Variants in POTEC observed in about 807,000 individuals in gnomAD.
POTEC encodes the protein ANKRD26-like family B member 2.
A neutral mutation model predicts 62.0 loss-of-function variants in POTEC; 35 were observed. The ratio of observed to expected loss-of-function variants is 0.56; its 90% CI spans 0.43 to 0.75. POTEC has a LOEUF of 0.75. POTEC is among the 30% of genes least tolerant of loss of function. The probability of loss-of-function intolerance (pLI) is 0.00; values close to 1 mark genes in which losing one functional copy is unlikely to be tolerated. For synonymous variants in POTEC, 156 were observed against 221.5 expected, an observed-to-expected ratio of 0.70 and a Z score of 2.62; for missense variants, 472 against 655.9, an observed-to-expected ratio of 0.72 and a Z score of 3.06.
intron 8 of POTEC, among the ~76,000 whole-genome samples, chr18:14,522,657 T>C (rs1224434788): frequency 6.6e-6 from 1 of 152,152 alleles, no homozygotes; most frequent in Non-Finnish European, 1.5e-5. Context: ...TTTGACTGAA[T>C]AAAACAGAAT....
At chr18:14,517,657 T>A (rs1312721654) in intron 9 of POTEC, among the ~76,000 whole-genome samples, 6 of 152,012 alleles carry the variant, frequency 3.9e-5, no homozygotes, top group Non-Finnish European at 8.8e-5. Flanking sequence ...AGGTACAGAG[T>A]TCGAGACCAG....
intron 1 of POTEC, among the ~76,000 whole-genome samples, chr18:14,541,849 T>C (rs1388684919): frequency 1.3e-5 from 2 of 152,084 alleles, no homozygotes; most frequent in Non-Finnish European, 2.9e-5. Context: ...CATTATCAAG[T>C]GCTAAATTCT....
At chr18:14,530,696 A>C in intron 5 of POTEC, 143 bp from the exon 6 acceptor site, 2 of 938,404 alleles carry the variant, frequency 2.1e-6, no homozygotes, top group Non-Finnish European at 3.0e-6. Context: ...TTATGAGTAC[A>C]TTCTACAAAC....
rs1244513851 is a variant in POTEC, at chr18:14,507,420, A to G, written c.*4478T>C. 6.7e-6 allele frequency: 1 copy of G among 149,076 alleles called. No individual in the cohort carries two copies. Among genetic ancestry groups the G allele is most frequent in the African/African-American group, 2.5e-5 (1 of 40,318 alleles). The allele number at this position is 149,076 out of a possible 1,614,324, so 9.2% of individuals were successfully genotyped here. A position where few individuals can be genotyped will look rare whatever the true frequency, so the allele number is the denominator to read the frequency against. ...CAACACCTGCTTTTTTCTGTTTTCC[A>G]TTTCCTTGAAATATTTTTCTCCATT... On this transcript the variant is annotated 3_prime_UTR_variant, in exon 11 of 11. Coordinates refer to ENST00000358970, the MANE Select transcript of POTEC (RefSeq NM_001137671.2).
At chr18:14,513,530 C>CATATATATAT (rs373094454) in intron 10 of POTEC, 132 bp downstream of exon 10, 2 of 1,149,372 alleles carry the variant, frequency 1.7e-6, no homozygotes, top group African/African-American at 3.9e-5. Flanking sequence ...TGTGTGTTTA[C>CATATATATAT]ATATATACAC....
chr18:14,543,478 G>A lies in POTEC; in HGVS notation c.-332C>T, dbSNP rs372286696. Reference sequence around the variant, plus strand: ...AGCCCAGCAAAGGAATGCGAGGGAGGAAACGCCAATCCAAGCAAGAAACAC... The same window carrying A: ...AGCCCAGCAAAGGAATGCGAGGGAGAAAACGCCAATCCAAGCAAGAAACAC... On this transcript the variant is annotated 5_prime_UTR_variant, in exon 1 of 11. Transcript: ENST00000358970. 2 of 490,850 alleles carry A rather than the reference G, an allele frequency of 4.1e-6. No homozygotes were observed. Among genetic ancestry groups the A allele is most frequent in the South Asian group, 4.8e-5 (2 of 41,324 alleles). 30.4% of individuals were successfully genotyped at this position (490,850 alleles called of 1,614,324 possible).
intron 6 of POTEC, among the ~76,000 whole-genome samples, chr18:14,528,551 T>C (rs111480205): frequency 1.1e-4 from 16 of 151,990 alleles, no homozygotes; most frequent in African/African-American, 3.9e-4. Context: ...CCTTGAAATG[T>C]TGTGTTGTGA....
In POTEC at chr18:14,543,099, C is replaced by T. The variant is rs11873462; in HGVS notation, c.48G>A (p.Lys16=). ...CSMPAASAVK[K]PFDLRSKMGK... ...CCATCTTGCTCCTGAGATCGAATGG[C>T]TTCTTCACAGCAGAGGCAGCGGGCA... Residue 16 remains lysine (K), a synonymous_variant, in exon 1 of 11, where the codon AAG becomes AAA. Transcript: ENST00000358970. The T allele has an allele frequency of 0.18, 287,836 of 1,613,700 alleles. 29,894 individuals carry two copies. The highest frequency in any genetic ancestry group is 0.48 in the East Asian group (21,388 of 44,816).
At chr18:14,537,126 A>C (rs908366210) in intron 3 of POTEC, among the ~76,000 whole-genome samples, 1 of 146,010 alleles carries the variant, frequency 6.8e-6, no homozygotes, top group Non-Finnish European at 1.5e-5. Context: ...AAAATGGAAA[A>C]GAACCCTGTC....
chr18:14,518,885 T>C lies in POTEC; in HGVS notation c.1409+3369A>G, dbSNP rs557441005. On this transcript the variant is annotated intron_variant, in intron 9 of 10. Coordinates refer to ENST00000358970, the MANE Select transcript of POTEC (RefSeq NM_001137671.2). ...GAGATAATTAGGAGGAACTTTGACATGTACTCCGAGTGAAATGGGAGATAA... is the reference window on the plus strand; with the variant it reads ...GAGATAATTAGGAGGAACTTTGACACGTACTCCGAGTGAAATGGGAGATAA... 5.8e-3 allele frequency among the ~76,000 whole-genome samples: 880 copies of C among 151,634 alleles called. 16 individuals are homozygous for C. Among genetic ancestry groups the C allele is most frequent in the South Asian group, 0.056 (266 of 4,762 alleles).
rs368466426 is a variant in POTEC at position 14,521,384 on chromosome 18, C to G, written c.1409+870G>C. 3.0e-4 allele frequency among the ~76,000 whole-genome samples: 46 copies of G among 152,256 alleles called. No homozygotes were observed. The East Asian group carries it at 8.7e-3, about 29-fold the overall frequency. On this transcript the variant is annotated intron_variant, in intron 9 of 10. Coordinates refer to ENST00000358970, the MANE Select transcript of POTEC (RefSeq NM_001137671.2). The stretch of plus-strand genomic sequence containing the variant: ...AATAATCAGTATACTCTAGATCTAA[C>G]CTCATTTGTAAAAAATGGTTGCATA...
chr18:14,542,851 C>T lies in POTEC; in HGVS notation c.296G>A (p.Gly99Asp). The change falls in exon 1 of 11, where the codon GGC becomes GAC. Residue 99 changes from glycine to aspartate, a missense_variant. By Grantham distance (94) the Gly-to-Asp change is moderately conservative (BLOSUM62 -1). This residue lies in a region of POTEC where 257 missense variants were observed against 250.7 expected (regional missense o/e 1.03). Coordinates refer to ENST00000358970, the MANE Select transcript of POTEC (RefSeq NM_001137671.2). The part of the protein sequence containing the change: ...SFMKTLRSKM[G>D]KWCCHCFPCC... Reference sequence around the variant, plus strand: ...GGGGAAGCAGTGACAGCACCACTTGCCCATCTTGCTCCTGAGCGTCTTCAT... The same window carrying T: ...GGGGAAGCAGTGACAGCACCACTTGTCCATCTTGCTCCTGAGCGTCTTCAT... 6.2e-7 allele frequency: 1 copy of T among 1,609,864 alleles called. No homozygotes were observed. Among genetic ancestry groups the T allele is most frequent in the South Asian group, 1.1e-5 (1 of 90,778 alleles).
rs923617024 is a variant in POTEC, at chr18:14,511,239, G to A, written c.*659C>T. On this transcript the variant is annotated 3_prime_UTR_variant, in exon 11 of 11. Coordinates refer to ENST00000358970, the MANE Select transcript of POTEC (RefSeq NM_001137671.2). ...GTGGGTGTAGCTGGAGGCCTCAGGT[G>A]GGAGATCCTGTCCAGTGACGAGGAA... 1 of 158,156 alleles carries A rather than the reference G, an allele frequency of 6.3e-6. No individual in the cohort carries two copies. Among genetic ancestry groups the A allele is most frequent in the African/African-American group, 2.4e-5 (1 of 40,906 alleles). The allele number at this position is 158,156 out of a possible 1,614,324, so 9.8% of individuals were successfully genotyped here. A position where few individuals can be genotyped will look rare whatever the true frequency, so the allele number is the denominator to read the frequency against.
At chr18:14,514,109 C>G (rs1910086800) in intron 9 of POTEC, among the ~76,000 whole-genome samples, 1 of 151,808 alleles carries the variant, frequency 6.6e-6, no homozygotes. Context: ...CATGTAGAAT[C>G]AGTGGGAGCC....
At chr18:14,512,421 T>C (rs1428854866) in intron 10 of POTEC, among the ~76,000 whole-genome samples, 2 of 152,216 alleles carry the variant, frequency 1.3e-5, no homozygotes, top group African/African-American at 2.4e-5. Context: ...AGTTCCTTTT[T>C]CTGAGGAATG....
intron 1 of POTEC, 145 bp downstream of exon 1, chr18:14,542,481 C>T (rs751304860): frequency 9.2e-6 from 12 of 1,298,604 alleles, no homozygotes; most frequent in Non-Finnish European, 1.3e-5. Context: ...GGGACCTGGG[C>T]CCTGACCTCT....
intron 3 of POTEC, among the ~76,000 whole-genome samples, chr18:14,535,774 C>T (rs1396078955): frequency 6.6e-6 from 1 of 151,830 alleles, no homozygotes; most frequent in Non-Finnish European, 1.5e-5. Flanking sequence ...GACTTACTGA[C>T]CTAAGCACTT....
chr18:14,538,649 C>T (rs1353125147), intron 1 of POTEC, among the ~76,000 whole-genome samples: 2 of 151,818 alleles, frequency 1.3e-5, no homozygotes, highest in East Asian at 1.9e-4. Context: ...ACACAAATAA[C>T]AGCTCAAAAA....
At chr18:14,542,310 T>C (rs1045057292) in intron 1 of POTEC, among the ~76,000 whole-genome samples, 2 of 152,224 alleles carry the variant, frequency 1.3e-5, no homozygotes, top group African/African-American at 4.8e-5. Flanking sequence ...CTTTCTATAG[T>C]GTATAGAACA....
Sources: gnomAD v4.1 joint callset for allele counts (sites outside exome capture counted in the v4.1 genomes callset) on GRCh38, gnomAD v4.1.1 for gene constraint, gnomAD v4.1.1 regional missense constraint, MANE v1.5 for transcripts, NCBI Gene and HGNC (gene_info 2026-07-23, HGNC 2026-07-21) for gene names.